The following ARK2C variants were observed in gnomAD, a reference collection of about 807,000 sequenced individuals.
The protein encoded by ARK2C is E3 ubiquitin-protein ligase ARK2C.
chr18:46,398,873 C>T, the ARK2C span, among the ~76,000 whole-genome samples: 1 of 151,920 alleles, frequency 6.6e-6, no homozygotes, highest in Non-Finnish European at 1.5e-5. Context: ...AAATGAGACA[C>T]GTCGACAACA....
chr18:46,460,047 C>T, the ARK2C span: 3 of 152,678 alleles, frequency 2.0e-5, no homozygotes, highest in Non-Finnish European at 2.9e-5. Flanking sequence ...CTCCACCTGG[C>T]CAGGACCCCC....
the ARK2C span, chr18:46,336,777 C>A: frequency 1.0e-6 from 1 of 985,414 alleles, no homozygotes; most frequent in African/African-American, 1.7e-5. Flanking sequence ...GGCTGCAGCA[C>A]TTCATTTTTC....
the ARK2C span, among the ~76,000 whole-genome samples, chr18:46,360,839 C>A: frequency 2.0e-5 from 3 of 152,222 alleles, no homozygotes; most frequent in African/African-American, 4.8e-5. Flanking sequence ...CACTGTTCAG[C>A]CTTGGGGTGT....
At chr18:46,364,227 C>T in the ARK2C span, among the ~76,000 whole-genome samples, 1 of 152,026 alleles carries the variant, frequency 6.6e-6, no homozygotes, top group East Asian at 1.9e-4. Context: ...GGATTATAGC[C>T]ATGAGCCACT....
At chr18:46,409,397 C>A in the ARK2C span, among the ~76,000 whole-genome samples, 5 of 152,134 alleles carry the variant, frequency 3.3e-5, no homozygotes, top group Non-Finnish European at 5.9e-5. Flanking sequence ...GGCCCATCTG[C>A]AGGTAAACGG....
At chr18:46,403,536 T>C in the ARK2C span, among the ~76,000 whole-genome samples, 2 of 152,228 alleles carry the variant, frequency 1.3e-5, no homozygotes, top group Admixed American at 6.5e-5. Flanking sequence ...TTCATTTCAA[T>C]GACTACTTAT....
the ARK2C span, among the ~76,000 whole-genome samples, chr18:46,453,602 G>GA: frequency 6.6e-6 from 1 of 151,038 alleles, no homozygotes; most frequent in East Asian, 1.9e-4. Context: ...ATAAAATGTG[G>GA]AAAAAACCCT....
the ARK2C span, among the ~76,000 whole-genome samples, chr18:46,378,880 T>C: frequency 6.6e-6 from 1 of 152,196 alleles, no homozygotes; most frequent in African/African-American, 2.4e-5. Flanking sequence ...AGCACCCCGC[T>C]ATGGTCCTGT....
the ARK2C span, among the ~76,000 whole-genome samples, chr18:46,436,044 A>T: frequency 6.6e-6 from 1 of 152,192 alleles, no homozygotes; most frequent in African/African-American, 2.4e-5. Context: ...TTGTCCTGAG[A>T]TGCAGGGTCG....
chr18:46,453,538 T>C, the ARK2C span, among the ~76,000 whole-genome samples: 1 of 150,826 alleles, frequency 6.6e-6, no homozygotes, highest in Non-Finnish European at 1.5e-5. Context: ...TAAAATATTA[T>C]AAAAAAAGAA....
the ARK2C span, among the ~76,000 whole-genome samples, chr18:46,406,881 C>A: frequency 5.9e-5 from 9 of 152,022 alleles, no homozygotes; most frequent in Non-Finnish European, 1.3e-4. Context: ...CCCCTCTAGC[C>A]CAGAATCCTT....
At chr18:46,410,805 C>T in the ARK2C span, among the ~76,000 whole-genome samples, 1,716 of 152,330 alleles carry the variant, frequency 0.011, 24 homozygotes, top group African/African-American at 0.039. Flanking sequence ...CTTTAAGCAT[C>T]GTTTCTTCAA....
chr18:46,452,452 A>T, the ARK2C span, among the ~76,000 whole-genome samples: 1 of 151,526 alleles, frequency 6.6e-6, no homozygotes, highest in Non-Finnish European at 1.5e-5. Flanking sequence ...GCTAATTTTT[A>T]TATTTTTAGT....
At chr18:46,334,686 G>C in the ARK2C span, 1 of 295,248 alleles carries the variant, frequency 3.4e-6, no homozygotes, top group Non-Finnish European at 5.8e-6. The surrounding 1 kb of genome is among the most constrained non-coding windows in gnomAD (Gnocchi z 4.4). Flanking sequence ...GTGTGTGTGT[G>C]TGTGTGTGTG....
the ARK2C span, among the ~76,000 whole-genome samples, chr18:46,351,810 C>T: frequency 6.6e-6 from 1 of 152,186 alleles, no homozygotes; most frequent in Non-Finnish European, 1.5e-5. Flanking sequence ...CCCACCGTGG[C>T]GGCAGGGCCT....
chr18:46,414,028 C>T, the ARK2C span, among the ~76,000 whole-genome samples: 15 of 152,302 alleles, frequency 9.8e-5, no homozygotes, highest in East Asian at 2.7e-3. Flanking sequence ...TAATACCAGG[C>T]CTCATTTGTG....
the ARK2C span, among the ~76,000 whole-genome samples, chr18:46,378,155 C>T: frequency 6.6e-5 from 10 of 152,196 alleles, no homozygotes; most frequent in Admixed American, 2.0e-4. Context: ...CTCCAAGGTA[C>T]GTCCCCTGCA....
the ARK2C span, among the ~76,000 whole-genome samples, chr18:46,381,271 T>C: frequency 2.0e-5 from 3 of 152,238 alleles, no homozygotes; most frequent in African/African-American, 7.2e-5. Flanking sequence ...CTCCGTGGTC[T>C]CTGAGGAGTC....
At chr18:46,369,850 G>A in the ARK2C span, among the ~76,000 whole-genome samples, 3 of 152,180 alleles carry the variant, frequency 2.0e-5, no homozygotes, top group Non-Finnish European at 4.4e-5. Flanking sequence ...TAAGATCTTG[G>A]TATCAGGGTA....
Sources: allele counts gnomAD v4.1 joint callset (sites outside exome capture counted in the v4.1 genomes callset), GRCh38; gene constraint gnomAD v4.1.1; non-coding constraint Gnocchi (gnomAD v3.1); transcripts MANE v1.5; gene names NCBI Gene and HGNC (gene_info 2026-07-23, HGNC 2026-07-21).